Variants in PTPRD observed in about 807,000 individuals in gnomAD.
The protein encoded by PTPRD is protein tyrosine phosphatase receptor type D.
A neutral mutation model predicts 214.5 loss-of-function variants in PTPRD; 34 were observed. That is an observed-to-expected ratio of 0.16 (90% CI 0.12 to 0.21). The LOEUF (loss-of-function observed/expected upper bound fraction) is 0.21. Among genes scored for constraint, PTPRD ranks in the 10% least tolerant of loss-of-function variants. PTPRD has a pLI of 1.00. For synonymous variants in PTPRD, 1,128 were observed against 845.7 expected (o/e 1.33, Z -5.79); for missense variants, 2,545 against 2,398.7 (o/e 1.06, Z -1.27).
rs556993343 is a variant in PTPRD, at chr9:8,528,324, T to A, written c.541+267A>T. 8.7e-5 allele frequency: 42 copies of A among 484,488 alleles called. No homozygotes were observed. In the South Asian group the frequency reaches 1.2e-3, roughly 14 times the overall value. The allele number at this position is 484,488 out of a possible 1,614,324, so 30.0% of individuals were successfully genotyped here. A position where few individuals can be genotyped will look rare whatever the true frequency, so the allele number is the denominator to read the frequency against. On this transcript the variant is annotated intron_variant, in intron 15 of 45. Transcript: ENST00000381196. Reference sequence around the variant, plus strand: ...CAAATACTGCGAAAAAGCAGTAAATTAAAAAATTACCAAAAATACAGTCAC... The same window carrying A: ...CAAATACTGCGAAAAAGCAGTAAATAAAAAAATTACCAAAAATACAGTCAC...
At chr9:9,174,977 T>C (rs1055579536) in intron 10 of PTPRD, among the ~76,000 whole-genome samples, 1 of 152,076 alleles carries the variant, frequency 6.6e-6, no homozygotes, top group Non-Finnish European at 1.5e-5. Flanking sequence ...ATGGGATTAA[T>C]ATCATTATAA....
At chr9:10,096,439 C>T (rs376247739) in intron 3 of PTPRD, among the ~76,000 whole-genome samples, 61 of 151,730 alleles carry the variant, frequency 4.0e-4, no homozygotes, top group African/African-American at 8.0e-4. Flanking sequence ...TTCTAACTGG[C>T]GTGAGATGGT....
chr9:9,698,645 T>G (rs1246675461), intron 7 of PTPRD, among the ~76,000 whole-genome samples: 3 of 152,166 alleles, frequency 2.0e-5, no homozygotes, highest in Non-Finnish European at 2.9e-5. Context: ...TTCAGGGATA[T>G]TTCTGCCTTC....
At chr9:8,866,650 T>C (rs2154546785) in intron 11 of PTPRD, among the ~76,000 whole-genome samples, 1 of 152,326 alleles carries the variant, frequency 6.6e-6, no homozygotes, top group South Asian at 2.1e-4. Flanking sequence ...TTACCTCTTT[T>C]CTACCAATAG....
At chr9:9,658,743 C>A (rs1205502885) in intron 7 of PTPRD, among the ~76,000 whole-genome samples, 1 of 152,108 alleles carries the variant, frequency 6.6e-6, no homozygotes, top group Non-Finnish European at 1.5e-5. Flanking sequence ...CTTAATACGG[C>A]CGGCACTGCT....
chr9:10,565,745 A>C (rs2065405216), intron 2 of PTPRD, among the ~76,000 whole-genome samples: 1 of 151,950 alleles, frequency 6.6e-6, no homozygotes, highest in Admixed American at 6.6e-5. Flanking sequence ...TCTTTTACTT[A>C]TCTGAGCCTT....
chr9:8,406,670 TC>T (rs1589648985), intron 35 of PTPRD, among the ~76,000 whole-genome samples: 1 of 152,216 alleles, frequency 6.6e-6, no homozygotes, highest in East Asian at 1.9e-4. Flanking sequence ...TGAGAAAAGT[TC>T]ATAAAGAGAA....
chr9:9,027,909 A>C (rs1231127380), intron 10 of PTPRD, among the ~76,000 whole-genome samples: 6 of 151,984 alleles, frequency 3.9e-5, no homozygotes, highest in Non-Finnish European at 7.4e-5. Context: ...TGGTAACATA[A>C]AAGAATCCCC....
intron 39 of PTPRD, among the ~76,000 whole-genome samples, chr9:8,356,611 T>G (rs966705618): frequency 3.9e-5 from 6 of 152,206 alleles, no homozygotes; most frequent in African/African-American, 1.4e-4. Flanking sequence ...ATAAAAATAT[T>G]TTCACATTTC....
At chr9:8,428,150 T>G (rs1261070783) in intron 35 of PTPRD, among the ~76,000 whole-genome samples, 1 of 152,170 alleles carries the variant, frequency 6.6e-6, no homozygotes, top group African/African-American at 2.4e-5. Context: ...ACTTAGCAAC[T>G]GTGTCATAAT....
intron 14 of PTPRD, among the ~76,000 whole-genome samples, chr9:8,625,217 T>C (rs2095981908): frequency 6.6e-6 from 1 of 151,830 alleles, no homozygotes; most frequent in South Asian, 2.1e-4. Flanking sequence ...ATATACTACA[T>C]GTACAAAACA....
At chr9:9,501,004 T>C (rs977885798) in intron 8 of PTPRD, among the ~76,000 whole-genome samples, 21 of 151,944 alleles carry the variant, frequency 1.4e-4, no homozygotes, top group Admixed American at 1.1e-3. Context: ...TACACACTGC[T>C]ATGGCTAAAA....
At chr9:9,868,630 C>A (rs1363479079) in intron 5 of PTPRD, among the ~76,000 whole-genome samples, 1 of 151,606 alleles carries the variant, frequency 6.6e-6, no homozygotes, top group African/African-American at 2.4e-5. Context: ...CGGGAGAATA[C>A]CCTAACGTGC....
At chr9:8,354,583 ACTC>A (rs1207922636) in intron 39 of PTPRD, among the ~76,000 whole-genome samples, 2 of 152,028 alleles carry the variant, frequency 1.3e-5, no homozygotes, top group African/African-American at 4.8e-5. Context: ...GGGCCTTTGA[ACTC>A]CTTGAATAAA....
chr9:9,412,684 T>TA (rs1396100333), intron 8 of PTPRD, among the ~76,000 whole-genome samples: 1 of 152,120 alleles, frequency 6.6e-6, no homozygotes, highest in Non-Finnish European at 1.5e-5. Context: ...ATTAAATATA[T>TA]TTTTACTTGT....
intron 3 of PTPRD, among the ~76,000 whole-genome samples, chr9:10,047,214 T>C (rs535308402): frequency 6.6e-6 from 1 of 152,128 alleles, no homozygotes; most frequent in African/African-American, 2.4e-5. Context: ...TGCAAATCTC[T>C]GCTCCAAACC....
chr9:9,384,010 A>G (rs907864201), intron 9 of PTPRD, among the ~76,000 whole-genome samples: 5 of 151,976 alleles, frequency 3.3e-5, no homozygotes, highest in African/African-American at 1.2e-4. Context: ...CAAAAAGTCT[A>G]ATAAGCATAA....
intron 4 of PTPRD, among the ~76,000 whole-genome samples, chr9:9,972,103 A>G (rs958521009): frequency 3.9e-5 from 6 of 152,194 alleles, no homozygotes; most frequent in Non-Finnish European, 8.8e-5. Flanking sequence ...CAAAAATTAT[A>G]CTATATTCCT....
chr9:8,334,824 G>GA, intron 43 of PTPRD, among the ~76,000 whole-genome samples: 1 of 128,102 alleles, frequency 7.8e-6, no homozygotes, highest in Non-Finnish European at 1.7e-5. Flanking sequence ...AAGGACAAAG[G>GA]GGAAATCACC....
Sources: allele counts gnomAD v4.1 joint callset (sites outside exome capture counted in the v4.1 genomes callset), GRCh38; gene constraint gnomAD v4.1.1; transcripts MANE v1.5; gene names NCBI Gene and HGNC (gene_info 2026-07-23, HGNC 2026-07-21).